PALLD: variants seen among roughly 807,000 people sequenced by gnomAD.
The protein encoded by PALLD is palladin, cytoskeletal associated protein.
In PALLD, 61 loss-of-function variants were observed where a neutral mutation model predicts 123.5. That is an observed-to-expected ratio of 0.49 (90% CI 0.40 to 0.61). The LOEUF is 0.61. Among genes scored for constraint, PALLD ranks in the 20% least tolerant of loss-of-function variants. The pLI, the probability that PALLD is intolerant of heterozygous loss-of-function variation, is 0.00. For missense variants in PALLD, 1,273 were observed against 1,377.0 expected, an observed-to-expected ratio of 0.92 and a Z score of 1.20; for synonymous variants, 465 against 496.4, an observed-to-expected ratio of 0.94 and a Z score of 0.84.
At chr4:168,693,425 G>A (rs541007347) in intron 8 of PALLD, among the ~76,000 whole-genome samples, 2 of 152,138 alleles carry the variant, frequency 1.3e-5, no homozygotes, top group Non-Finnish European at 2.9e-5. Flanking sequence ...CCTCTAGAAC[G>A]TACTTAAATG....
At chr4:168,674,669 C>T in intron 3 of PALLD, among the ~76,000 whole-genome samples, 1 of 152,112 alleles carries the variant, frequency 6.6e-6, no homozygotes, top group Non-Finnish European at 1.5e-5. Flanking sequence ...GCGATTTTAG[C>T]AAGAGGAGCT....
At chr4:168,620,417 C>T (rs2710847) in intron 2 of PALLD, among the ~76,000 whole-genome samples, 137,410 of 152,274 alleles carry the variant, frequency 0.9, 62,184 homozygotes, top group African/African-American at 0.97. Context: ...ATCGCACCAC[C>T]GCACTGCAAC....
intron 10 of PALLD, among the ~76,000 whole-genome samples, chr4:168,802,248 A>G (rs1739448697): frequency 6.6e-6 from 1 of 152,246 alleles, no homozygotes; most frequent in African/African-American, 2.4e-5. Flanking sequence ...GAGATATTAC[A>G]TAACAATAGG....
chr4:168,833,301 G>A (rs1039091237), intron 10 of PALLD, among the ~76,000 whole-genome samples: 2 of 135,468 alleles, frequency 1.5e-5, no homozygotes, highest in African/African-American at 6.1e-5. Context: ...CCCACCCTGC[G>A]GAGCCGGGTC....
intron 2 of PALLD, among the ~76,000 whole-genome samples, chr4:168,552,143 C>T (rs33971036): frequency 0.14 from 20,745 of 152,042 alleles, 1,643 homozygotes; most frequent in East Asian, 0.28. Flanking sequence ...TAGTTTAAGT[C>T]ACCCAAGTTG....
intron 10 of PALLD, among the ~76,000 whole-genome samples, chr4:168,765,663 A>G (rs1204318275): frequency 6.6e-6 from 1 of 152,232 alleles, no homozygotes; most frequent in Non-Finnish European, 1.5e-5. Flanking sequence ...CAAAGAACAG[A>G]CATACCAGGA....
intron 10 of PALLD, among the ~76,000 whole-genome samples, chr4:168,825,992 T>A (rs1017975735): frequency 1.3e-5 from 2 of 152,228 alleles, no homozygotes; most frequent in East Asian, 3.8e-4. Flanking sequence ...TCACTATATA[T>A]ATAAGATACA....
At chr4:168,606,744 G>A (rs1773222972) in intron 2 of PALLD, among the ~76,000 whole-genome samples, 1 of 149,574 alleles carries the variant, frequency 6.7e-6, no homozygotes, top group African/African-American at 2.5e-5. Context: ...AAAAAGACAA[G>A]AGCTTGGTGG....
chr4:168,686,867 A>G (rs1782111419), intron 6 of PALLD, among the ~76,000 whole-genome samples: 2 of 152,216 alleles, frequency 1.3e-5, no homozygotes, highest in Non-Finnish European at 2.9e-5. Flanking sequence ...TTTGTCCTAT[A>G]AGATAGCAAG....
At chr4:168,622,918 TC>T (rs1459273474) in intron 2 of PALLD, among the ~76,000 whole-genome samples, 2 of 152,180 alleles carry the variant, frequency 1.3e-5, no homozygotes, top group East Asian at 3.8e-4. Flanking sequence ...TTTTGAAGTT[TC>T]CCCAGAGACG....
intron 10 of PALLD, among the ~76,000 whole-genome samples, chr4:168,873,455 A>C (rs909177052): frequency 7.2e-5 from 11 of 152,334 alleles, no homozygotes; most frequent in Admixed American, 3.3e-4. Context: ...TTTTCTAGAC[A>C]ATTACGAATA....
intron 2 of PALLD, among the ~76,000 whole-genome samples, chr4:168,578,523 C>T (rs1769886074): frequency 6.6e-6 from 1 of 152,074 alleles, no homozygotes; most frequent in African/African-American, 2.4e-5. Context: ...TTGTAAGTTT[C>T]CTGAGGCTTC....
At chr4:168,848,226 C>A (rs1035783177) in intron 10 of PALLD, among the ~76,000 whole-genome samples, 9 of 149,346 alleles carry the variant, frequency 6.0e-5, no homozygotes, top group Non-Finnish European at 7.4e-5. Context: ...CTCCACTGTC[C>A]CTTCTGCTTA....
intron 13 of PALLD, chr4:168,898,208 C>G (rs1261649479): frequency 1.8e-5 from 8 of 455,106 alleles, no homozygotes; most frequent in African/African-American, 3.9e-5. Context: ...TTTTTCTTTC[C>G]TTCCCCTTGT....
intron 2 of PALLD, among the ~76,000 whole-genome samples, chr4:168,652,323 G>A (rs1212848608): frequency 6.6e-6 from 1 of 152,172 alleles, no homozygotes; most frequent in East Asian, 1.9e-4. Context: ...ATATGTACAT[G>A]TGAAAATAAA....
At chr4:168,644,340 C>T (rs1777235312) in intron 2 of PALLD, among the ~76,000 whole-genome samples, 1 of 152,038 alleles carries the variant, frequency 6.6e-6, no homozygotes, top group African/African-American at 2.4e-5. Flanking sequence ...CTCCTGCCTC[C>T]AGCCACCCAA....
chr4:168,536,919 C>T (rs936230245), intron 2 of PALLD, among the ~76,000 whole-genome samples: 1 of 152,104 alleles, frequency 6.6e-6, no homozygotes, highest in Middle Eastern at 3.4e-3. Flanking sequence ...GCTCCACCTC[C>T]GGGGTTCAAG....
intron 2 of PALLD, among the ~76,000 whole-genome samples, chr4:168,656,436 G>A (rs1778578826): frequency 6.6e-6 from 1 of 151,944 alleles, no homozygotes; most frequent in South Asian, 2.1e-4. Context: ...TGACAGATGG[G>A]GTGGGAACCT....
At chr4:168,900,240 C>T (rs1428226378) in intron 14 of PALLD, among the ~76,000 whole-genome samples, 2 of 152,220 alleles carry the variant, frequency 1.3e-5, no homozygotes, top group Non-Finnish European at 2.9e-5. Context: ...ACCTCCAACA[C>T]TGGGAGTCCC....
Sources: allele counts gnomAD v4.1 joint callset (sites outside exome capture counted in the v4.1 genomes callset), GRCh38; gene constraint gnomAD v4.1.1; transcripts MANE v1.5; gene names NCBI Gene and HGNC (gene_info 2026-07-23, HGNC 2026-07-21).